ANKRD28: variants seen among roughly 807,000 people sequenced by gnomAD.
The protein encoded by ANKRD28 is serine/threonine-protein phosphatase 6 regulatory ankyrin repeat subunit A.
A neutral mutation model predicts 126.5 loss-of-function variants in ANKRD28; 44 were observed. The ratio of observed to expected loss-of-function variants is 0.35; its 90% confidence interval spans 0.27 to 0.45. The LOEUF (loss-of-function observed/expected upper bound fraction) is 0.45, where lower values mean the gene tolerates loss of function less well. ANKRD28 is among the 20% of genes least tolerant of loss of function. The pLI, the probability that ANKRD28 is intolerant of heterozygous loss-of-function variation, is 1.00. For missense variants in ANKRD28, 1,110 were observed against 1,316.6 expected, an observed-to-expected ratio of 0.84 and a Z score of 2.43; for synonymous variants, 442 against 468.5, an observed-to-expected ratio of 0.94 and a Z score of 0.73.
rs1428524127 is a variant in ANKRD28 at position 15,670,365 on chromosome 3, T to G, written c.3157A>C (p.Ser1053Arg). The G allele has an allele frequency of 1.2e-6, 2 of 1,613,864 alleles. No homozygotes were observed. Among genetic ancestry groups the G allele is most frequent in the Non-Finnish European group, 1.7e-6 (2 of 1,179,866 alleles). The change falls in exon 28 of 28, where the codon AGC (serine) becomes CGC (arginine). Residue 1053 changes from serine to arginine, a missense_variant. Physicochemically the swap from Ser to Arg is moderately radical, Grantham distance 110. Transcript: ENST00000683139. ...EALPIMRNEP[S>R]SYCSFNNIGG... ...ATGTTATTGAAACTGCAATAGGAGCTAGGTTCATTCCTCATGATGGGCAAA... is the reference window on the plus strand; with the variant it reads ...ATGTTATTGAAACTGCAATAGGAGCGAGGTTCATTCCTCATGATGGGCAAA...
In ANKRD28 at chr3:15,668,035, C is replaced by T. The variant is rs1305451507; in HGVS notation, c.*2235G>A. On this transcript the variant is annotated 3_prime_UTR_variant, in exon 28 of 28. Coordinates refer to ENST00000683139, the MANE Select transcript of ANKRD28 (RefSeq NM_001349278.2). ...ATCCTTCCAACATTCTCAGGGTTCT[C>T]TTGGAGGACAGACCCAGGCCCAAAG... 2 of 152,214 alleles carry T rather than the reference C, an allele frequency of 1.3e-5. No homozygotes were observed. Among genetic ancestry groups the T allele is most frequent in the African/African-American group, 4.8e-5 (2 of 41,428 alleles). The allele number at this position is 152,214 out of a possible 1,614,324, so 9.4% of individuals were successfully genotyped here.
chr3:15,721,184 G>T, intron 7 of ANKRD28, 57 bp from the exon 8 acceptor site: 2 of 1,493,820 alleles, frequency 1.3e-6, no homozygotes, highest in Non-Finnish European at 9.2e-7. Context: ...TATCAATGTT[G>T]TGAGCTATTT....
rs1351280910 is a variant in ANKRD28, at chr3:15,854,781, T to C, written c.27+4596A>G. Among the ~76,000 whole-genome samples, 3 of 152,100 alleles carry C rather than the reference T, an allele frequency of 2.0e-5. No individual in the cohort carries two copies. Among genetic ancestry groups the C allele is most frequent in the African/African-American group, 7.2e-5 (3 of 41,430 alleles). On this transcript the variant is annotated intron_variant, in intron 1 of 27. Transcript: ENST00000399451. The surrounding 1 kb of genome is among the most constrained non-coding windows in gnomAD (Gnocchi z 4.1). Reference sequence around the variant, plus strand: ...AAACAGGAAGACACGCCAGGCATGGTGGCTCACGCCTGTAATCCCAGCACT... The same window carrying C: ...AAACAGGAAGACACGCCAGGCATGGCGGCTCACGCCTGTAATCCCAGCACT...
chr3:15,729,152 G>T lies in ANKRD28; in HGVS notation c.641-4628C>A, dbSNP rs974801849. ...GTCCTAGGCCCCACTCAACTACATA[G>T]AAAGGCCAGGAAGGGGGCCATGTAT... On this transcript the variant is annotated intron_variant, in intron 6 of 27. Transcript: ENST00000683139. Among the ~76,000 whole-genome samples, 33 of 152,292 alleles carry T rather than the reference G, an allele frequency of 2.2e-4. 4 individuals are homozygous for T. Among genetic ancestry groups the T allele is most frequent in the Admixed American group, 9.2e-4 (14 of 15,300 alleles).
intron 2 of ANKRD28, among the ~76,000 whole-genome samples, chr3:15,785,905 A>C (rs1262194467): frequency 6.6e-6 from 1 of 152,078 alleles, no homozygotes; most frequent in Non-Finnish European, 1.5e-5. Context: ...GAAGAAATGT[A>C]AATGCATACT....
chr3:15,834,880 A>C (rs774820575), intron 1 of ANKRD28, among the ~76,000 whole-genome samples: 5 of 152,246 alleles, frequency 3.3e-5, no homozygotes, highest in Non-Finnish European at 7.3e-5. Flanking sequence ...AGAACTGCTG[A>C]TAATACCCAA....
intron 1 of ANKRD28, among the ~76,000 whole-genome samples, chr3:15,847,116 T>G (rs767107093): frequency 6.6e-6 from 1 of 152,168 alleles, no homozygotes; most frequent in Admixed American, 6.5e-5. Context: ...CCAAAGAATA[T>G]GTATTTAAGC....
intron 2 of ANKRD28, 86 bp downstream of exon 2, chr3:15,795,137 A>G (rs2060216963): frequency 1.1e-6 from 1 of 947,622 alleles, no homozygotes; most frequent in Non-Finnish European, 1.7e-6. Context: ...GAGTTATATT[A>G]TGTCTTGTAA....
rs2058459447 is a variant in ANKRD28, at chr3:15,761,568, A to G, written c.280+4666T>C. ...CAAATTTAAGCAGAACTCCTGGAGC[A>G]TCTATACAGAACCTTATGAGTCTAT... On this transcript the variant is annotated intron_variant, in intron 3 of 27. Transcript: ENST00000683139. 2.0e-5 allele frequency among the ~76,000 whole-genome samples: 3 copies of G among 152,196 alleles called. No individual in the cohort carries two copies. In the South Asian group the frequency reaches 6.2e-4, roughly 32 times the overall value.
chr3:15,726,736 C>T (rs541381182), intron 6 of ANKRD28, among the ~76,000 whole-genome samples: 102 of 152,326 alleles, frequency 6.7e-4, no homozygotes, highest in African/African-American at 2.4e-3. Flanking sequence ...AAACGGCCTT[C>T]TATTGGAAGA....
intron 1 of ANKRD28, among the ~76,000 whole-genome samples, chr3:15,823,618 T>C (rs2060993486): frequency 6.6e-6 from 1 of 152,080 alleles, no homozygotes; most frequent in Non-Finnish European, 1.5e-5. Flanking sequence ...GAAAAAGACA[T>C]CATGAGGAAA....
At chr3:15,805,681 T>C (rs2060561894) in intron 1 of ANKRD28, among the ~76,000 whole-genome samples, 1 of 152,310 alleles carries the variant, frequency 6.6e-6, no homozygotes, top group South Asian at 2.1e-4. Flanking sequence ...AAAGATTATG[T>C]GCAATTCATT....
chr3:15,786,314 C>G (rs1216124389), intron 2 of ANKRD28, among the ~76,000 whole-genome samples: 2 of 151,998 alleles, frequency 1.3e-5, no homozygotes, highest in African/African-American at 4.8e-5. Flanking sequence ...GTATCTTCCT[C>G]TCAACACTGT....
At chr3:15,697,894 T>C (rs2455816) in intron 14 of ANKRD28, among the ~76,000 whole-genome samples, 71,478 of 152,086 alleles carry the variant, frequency 0.47, 19,719 homozygotes, top group Middle Eastern at 0.6. Flanking sequence ...CTATTAATTA[T>C]TGCCTCAATT....
chr3:15,797,171 A>G lies in ANKRD28; in HGVS notation c.-650T>C. 1.0e-6 allele frequency: 1 copy of G among 970,800 alleles called. No individual in the cohort carries two copies. The highest frequency in any genetic ancestry group is 1.2e-6 in the Non-Finnish European group (1 of 818,890). The allele number at this position is 970,800 out of a possible 1,614,324, so 60.1% of individuals were successfully genotyped here. On this transcript the variant is annotated 5_prime_UTR_variant, in exon 1 of 28. Transcript: ENST00000683139. ...TGAAAATGAAGCTCAGAGGTTAACA[A>G]TTCTTTCAGTGTTTGGGAAAGGGGC...
At chr3:15,819,162 C>T (rs978961346) in intron 1 of ANKRD28, among the ~76,000 whole-genome samples, 7 of 152,102 alleles carry the variant, frequency 4.6e-5, no homozygotes, top group African/African-American at 1.7e-4. Flanking sequence ...CCTGTAGTCC[C>T]AGCTACTTGG....
chr3:15,756,710 G>C (rs949186229), intron 3 of ANKRD28, among the ~76,000 whole-genome samples: 1 of 152,146 alleles, frequency 6.6e-6, no homozygotes, highest in Non-Finnish European at 1.5e-5. Context: ...GGTGAGGTGA[G>C]GGGGAGGTGG....
chr3:15,822,724 G>C (rs890580475), intron 1 of ANKRD28, among the ~76,000 whole-genome samples: 11 of 151,810 alleles, frequency 7.2e-5, no homozygotes, highest in Non-Finnish European at 1.5e-4. Context: ...GAACCAGAAT[G>C]TCATCTCACC....
intron 1 of ANKRD28, among the ~76,000 whole-genome samples, chr3:15,809,556 G>A (rs1023687333): frequency 3.3e-5 from 5 of 152,026 alleles, no homozygotes; most frequent in African/African-American, 9.7e-5. Context: ...CTTTTCTTTC[G>A]GGATTGTGAG....
Sources: allele counts gnomAD v4.1 joint callset (sites outside exome capture counted in the v4.1 genomes callset), GRCh38; gene constraint gnomAD v4.1.1; non-coding constraint Gnocchi (gnomAD v3.1); transcripts MANE v1.5; gene names NCBI Gene and HGNC (gene_info 2026-07-23, HGNC 2026-07-21).